The following TBC1D19 variants were observed in gnomAD, a reference collection of about 807,000 sequenced individuals.
TBC1D19 encodes TBC1 domain family, member 19.
In TBC1D19, 60 loss-of-function variants were observed where a neutral mutation model predicts 89.0. The observed-to-expected ratio is 0.67, with a 90% confidence interval of 0.55 to 0.84. TBC1D19 has a LOEUF of 0.84. Ranked by LOEUF, TBC1D19 falls within the 40% of genes least tolerant of loss-of-function variation. The pLI, the probability that TBC1D19 is intolerant of heterozygous loss-of-function variation, is 0.00. For synonymous variants in TBC1D19, 189 were observed against 199.7 expected, an observed-to-expected ratio of 0.95 and a Z score of 0.45; for missense variants, 500 against 610.8, an observed-to-expected ratio of 0.82 and a Z score of 1.91.
At chr4:26,629,501 T>G (rs1350917144) in intron 4 of TBC1D19, among the ~76,000 whole-genome samples, 2 of 152,056 alleles carry the variant, frequency 1.3e-5, no homozygotes, top group Non-Finnish European at 2.9e-5. Flanking sequence ...ATAATAGATA[T>G]TTTAAAAAAA....
At chr4:26,688,628 CATCAAGG>C (rs1714020241) in intron 13 of TBC1D19, among the ~76,000 whole-genome samples, 2 of 150,418 alleles carry the variant, frequency 1.3e-5, no homozygotes, top group African/African-American at 5.0e-5. Flanking sequence ...ATATATGGTA[CATCAAGG>C]AGGTATTATT....
At chr4:26,592,188 C>G (rs1739861308) in intron 1 of TBC1D19, among the ~76,000 whole-genome samples, 1 of 152,166 alleles carries the variant, frequency 6.6e-6, no homozygotes, top group Admixed American at 6.5e-5. Context: ...TCAACATATG[C>G]AAATCAATAA....
intron 3 of TBC1D19, among the ~76,000 whole-genome samples, chr4:26,620,052 T>C (rs544585201): frequency 8.5e-5 from 13 of 152,360 alleles, no homozygotes; most frequent in East Asian, 5.8e-4. Context: ...CTGCCTTTTC[T>C]ATCTGTGATT....
intron 5 of TBC1D19, among the ~76,000 whole-genome samples, chr4:26,638,461 G>A (rs1743274265): frequency 6.6e-6 from 1 of 152,126 alleles, no homozygotes; most frequent in Non-Finnish European, 1.5e-5. Flanking sequence ...TGCTGGATGG[G>A]GGTAAGAGAA....
At chr4:26,673,348 G>A (rs1232318977) in intron 10 of TBC1D19, among the ~76,000 whole-genome samples, 1 of 150,270 alleles carries the variant, frequency 6.7e-6, no homozygotes, top group Non-Finnish European at 1.5e-5. Context: ...CATTCATGAT[G>A]TAGTAGAATA....
At chr4:26,672,406 C>T (rs1160477255) in intron 10 of TBC1D19, among the ~76,000 whole-genome samples, 1 of 151,898 alleles carries the variant, frequency 6.6e-6, no homozygotes, top group African/African-American at 2.4e-5. Flanking sequence ...AAGAAGTACA[C>T]AGCTGGTTCA....
intron 7 of TBC1D19, among the ~76,000 whole-genome samples, chr4:26,654,378 C>A (rs1452462777): frequency 6.6e-5 from 10 of 152,172 alleles, no homozygotes; most frequent in Non-Finnish European, 1.0e-4. Context: ...CGAGGAGTAT[C>A]TTTCTGGCGT....
chr4:26,584,112 C>A lies in TBC1D19; in HGVS notation c.-82C>A. 7.2e-7 allele frequency: 1 copy of A among 1,389,936 alleles called. No homozygotes were observed. Among genetic ancestry groups the A allele is most frequent in the East Asian group, 2.4e-5 (1 of 41,516 alleles). 86.1% of individuals were successfully genotyped at this position (1,389,936 alleles called of 1,614,324 possible). On this transcript the variant is annotated 5_prime_UTR_variant, in exon 1 of 21. In the 5' UTR this introduces an upstream ATG that the reference lacks. Coordinates refer to ENST00000264866, the MANE Select transcript of TBC1D19 (RefSeq NM_018317.4). ...GTAATAAGGTCCCGGAGAAGTGTCA[C>A]TGGCCCTGAGTGGGACCCGGTAGCC... is the stretch of plus-strand genomic sequence containing the variant.
chr4:26,585,652 C>T (rs1206518980), intron 1 of TBC1D19, among the ~76,000 whole-genome samples: 1 of 150,620 alleles, frequency 6.6e-6, no homozygotes, highest in Non-Finnish European at 1.5e-5. Context: ...GGTGTGATCT[C>T]GGCTCACTAC....
intron 15 of TBC1D19, among the ~76,000 whole-genome samples, chr4:26,721,300 A>C (rs1207244277): frequency 4.6e-5 from 7 of 151,998 alleles, no homozygotes; most frequent in African/African-American, 1.7e-4. Flanking sequence ...AAAACAAAAA[A>C]CAAAAACCCA....
Position 26,588,169 on chromosome 4 carries a change from G to T in TBC1D19, c.99+3877G>T, listed in dbSNP as rs530752719. 3.3e-5 allele frequency among the ~76,000 whole-genome samples: 5 copies of T among 152,022 alleles called. No homozygotes were observed. In the East Asian group the frequency reaches 7.7e-4, roughly 24 times the overall value. On this transcript the variant is annotated intron_variant, in intron 1 of 20. Transcript: ENST00000264866. ...GCCTCCTGAGTAGCTGGGACTACAG[G>T]CGCCTGCCACCACGCCCAGATGATT... is the stretch of plus-strand genomic sequence containing the variant.
the TBC1D19 span, among the ~76,000 whole-genome samples, chr4:26,857,524 C>G: frequency 2.6e-5 from 4 of 152,354 alleles, no homozygotes; most frequent in South Asian, 2.1e-4. Flanking sequence ...CCACTGACAG[C>G]CCGCCGCGCC....
intron 11 of TBC1D19, among the ~76,000 whole-genome samples, chr4:26,677,529 G>A (rs1349490934): frequency 6.6e-6 from 1 of 152,000 alleles, no homozygotes; most frequent in Non-Finnish European, 1.5e-5. Context: ...CACCATGTTA[G>A]CCAGGATGGT....
At chr4:26,790,440 G>A in the TBC1D19 span, among the ~76,000 whole-genome samples, 14 of 152,300 alleles carry the variant, frequency 9.2e-5, no homozygotes, top group Admixed American at 5.2e-4. Context: ...CTCATAGGTT[G>A]TTATAAGAAT....
chr4:26,685,162 A>G (rs536592777), intron 12 of TBC1D19, among the ~76,000 whole-genome samples: 1 of 152,310 alleles, frequency 6.6e-6, no homozygotes, highest in East Asian at 1.9e-4. Flanking sequence ...CAGAAATGCT[A>G]AAATAATGCA....
At chr4:26,583,564 T>C (rs1204911728), upstream of TBC1D19, among the ~76,000 whole-genome samples, 1 of 152,190 alleles carries the variant, frequency 6.6e-6, no homozygotes, top group African/African-American at 2.4e-5. Flanking sequence ...ATTGTCTACT[T>C]ATTCCTGGTA....
At chr4:26,771,491 A>T in the TBC1D19 span, among the ~76,000 whole-genome samples, 48 of 152,164 alleles carry the variant, frequency 3.2e-4, 1 homozygote, top group Non-Finnish European at 7.4e-5. Flanking sequence ...ATTCAGCCTT[A>T]AAAAAGAAGA....
intron 3 of TBC1D19, 119 bp from the exon 4 acceptor site, chr4:26,620,494 A>C (rs1037831440): frequency 2.5e-6 from 2 of 805,314 alleles, no homozygotes; most frequent in African/African-American, 1.7e-5. Context: ...AAAACAGTAC[A>C]TTTTGAATAT....
At chr4:26,604,152 T>C (rs984669608) in intron 1 of TBC1D19, among the ~76,000 whole-genome samples, 4 of 128,210 alleles carry the variant, frequency 3.1e-5, no homozygotes, top group African/African-American at 9.9e-5. Context: ...CTTTTTCTTT[T>C]TTTTTTTTTT....
Sources: gnomAD v4.1 joint callset for allele counts (sites outside exome capture counted in the v4.1 genomes callset) on GRCh38, gnomAD v4.1.1 for gene constraint, MANE v1.5 for transcripts, NCBI Gene and HGNC (gene_info 2026-07-23, HGNC 2026-07-21) for gene names.